Variants in JAKMIP1 observed in about 807,000 individuals in gnomAD.
JAKMIP1 encodes janus kinase and microtubule-interacting protein 1.
In JAKMIP1, 33 loss-of-function variants were observed where a neutral mutation model predicts 113.0. That is an observed-to-expected ratio of 0.29 (90% CI 0.22 to 0.39). The LOEUF (loss-of-function observed/expected upper bound fraction) is 0.39. Among genes scored for constraint, JAKMIP1 ranks in the 10% least tolerant of loss-of-function variants. The pLI, the probability that JAKMIP1 is intolerant of heterozygous loss-of-function variation, is 1.00. For synonymous variants in JAKMIP1, 480 were observed against 459.9 expected (o/e 1.04, Z -0.56); for missense variants, 813 against 1,080.5 (o/e 0.75, Z 3.47).
chr4:6,057,987 G>C (rs956545853), intron 11 of JAKMIP1, among the ~76,000 whole-genome samples: 3 of 152,262 alleles, frequency 2.0e-5, no homozygotes, highest in African/African-American at 7.2e-5. Context: ...TAGAACCCCT[G>C]CTGTTCTAAA....
At chr4:6,151,241 T>C (rs1271326548) in intron 1 of JAKMIP1, among the ~76,000 whole-genome samples, 3 of 152,088 alleles carry the variant, frequency 2.0e-5, no homozygotes, top group Non-Finnish European at 4.4e-5. Context: ...TCCACAACCC[T>C]ATGAAGTTAC....
intron 1 of JAKMIP1, among the ~76,000 whole-genome samples, chr4:6,149,691 T>C (rs538523246): frequency 1.3e-5 from 2 of 152,304 alleles, no homozygotes; most frequent in East Asian, 3.9e-4. Context: ...CCTTTCTCCC[T>C]GCAGGGTTTT....
rs1322365179 is a variant in JAKMIP1, at chr4:6,186,803, T to C, written c.-148+13450A>G. On this transcript the variant is annotated intron_variant, in intron 1 of 20. Transcript: ENST00000409021. The surrounding 1 kb of genome is among the most constrained non-coding windows in gnomAD (Gnocchi z 5.5). ...ATTCAACTATTGTTGTTGAATTATC[T>C]ATTTCTCCCTTCACTTCTGTCAGGT... Among the ~76,000 whole-genome samples, 1 of 152,206 alleles carries C rather than the reference T, an allele frequency of 6.6e-6. No individual in the cohort carries two copies. The highest frequency in any genetic ancestry group is 2.4e-5 in the African/African-American group (1 of 41,444).
chr4:6,172,112 T>C (rs16838361), intron 1 of JAKMIP1, among the ~76,000 whole-genome samples: 2,989 of 152,310 alleles, frequency 0.02, 89 homozygotes, highest in African/African-American at 0.066. Context: ...TAAATCCTTC[T>C]GAAACACTGG....
At chr4:6,182,422 AAAAAGAAAG>A (rs1381353164) in intron 1 of JAKMIP1, among the ~76,000 whole-genome samples, 5 of 149,224 alleles carry the variant, frequency 3.4e-5, no homozygotes, top group African/African-American at 4.9e-5. Context: ...AAAAAAAAAA[AAAAAGAAAG>A]AAAGAAAGAA....
At chr4:6,114,042 G>C (rs1715366532) in intron 1 of JAKMIP1, among the ~76,000 whole-genome samples, 1 of 152,272 alleles carries the variant, frequency 6.6e-6, no homozygotes, top group African/African-American at 2.4e-5. Context: ...CCTGGTGAGA[G>C]AGGATTTTAC....
intron 18 of JAKMIP1, among the ~76,000 whole-genome samples, chr4:6,036,931 G>C (rs186714238): frequency 6.6e-6 from 1 of 150,404 alleles, no homozygotes. Context: ...CTCCATCACC[G>C]AGGTAGAGGC....
At chr4:6,056,029 C>G in intron 12 of JAKMIP1, among the ~76,000 whole-genome samples, 1 of 147,730 alleles carries the variant, frequency 6.8e-6, no homozygotes, top group Non-Finnish European at 1.5e-5. Context: ...TCGGGGCAGC[C>G]CTCCTCATTT....
Position 6,065,041 on chromosome 4 carries a change from G to A in JAKMIP1, c.1303-33C>T, listed in dbSNP as rs768923688. The stretch of plus-strand genomic sequence containing the variant: ...ACGCAATTTGTATGATGTTAGCAAC[G>A]ACTGAGGATTGCCAGAGTCTACCAG... On this transcript the variant is annotated intron_variant, in intron 8 of 20. Transcript: ENST00000409021. This position sits in a 1 kb window ranked among gnomAD's most constrained non-coding sequence, Gnocchi z 5.1. 1.4e-5 allele frequency: 23 copies of A among 1,613,184 alleles called. 1 individual carries two copies. The highest frequency in any genetic ancestry group is 1.6e-4 in the Middle Eastern group (1 of 6,084).
rs553164216 is a variant in JAKMIP1 at position 6,184,733 on chromosome 4, G to C, written c.-148+15520C>G. Among the ~76,000 whole-genome samples the C allele has an allele frequency of 1.3e-5, 2 of 152,184 alleles. No homozygotes were observed. The highest frequency in any genetic ancestry group is 2.9e-5 in the Non-Finnish European group (2 of 68,040). ...AGAATGCATAACTACAGGATAAGTG[G>C]AGTGATGGTTAATATTGAGTGTCAA... On this transcript the variant is annotated intron_variant, in intron 1 of 20. Transcript: ENST00000409021. This position sits in a 1 kb window ranked among gnomAD's most constrained non-coding sequence, Gnocchi z 4.5.
intron 5 of JAKMIP1, among the ~76,000 whole-genome samples, chr4:6,082,332 G>A (rs577547646): frequency 1.3e-5 from 2 of 151,980 alleles, no homozygotes; most frequent in South Asian, 2.1e-4. Flanking sequence ...AATATAAAAT[G>A]TACCATGTGA....
intron 1 of JAKMIP1, among the ~76,000 whole-genome samples, chr4:6,134,806 G>A (rs552625442): frequency 1.3e-5 from 2 of 152,338 alleles, no homozygotes; most frequent in East Asian, 3.9e-4. Context: ...CCAGGCCTGG[G>A]GAGGCAGAGA....
At position 6,093,019 on chromosome 4, in the gene JAKMIP1, A is replaced by C. The variant is rs1229192182; in HGVS notation, c.625-7390T>G. On this transcript the variant is annotated intron_variant, in intron 3 of 20. Coordinates refer to ENST00000409021, the MANE Select transcript of JAKMIP1 (RefSeq NM_001099433.2). The surrounding 1 kb of genome is among the most constrained non-coding windows in gnomAD (Gnocchi z 4.6). The stretch of plus-strand genomic sequence containing the variant: ...TTTACTGGGAATCCAAGTATCACAT[A>C]TCATCATGGCTATTTTAGAGATATG... 6.6e-6 allele frequency among the ~76,000 whole-genome samples: 1 copy of C among 152,246 alleles called. No homozygotes were observed. The highest frequency in any genetic ancestry group is 1.5e-5 in the Non-Finnish European group (1 of 68,046).
intron 1 of JAKMIP1, among the ~76,000 whole-genome samples, chr4:6,152,645 A>G (rs1721710549): frequency 1.3e-5 from 2 of 152,144 alleles, no homozygotes; most frequent in African/African-American, 4.8e-5. Flanking sequence ...ATATTCTCAC[A>G]GAAGTGGGCA....
rs550643692 is a variant in JAKMIP1, at chr4:6,136,705, T to C, written c.-147-23708A>G. On this transcript the variant is annotated intron_variant, in intron 1 of 20. Transcript: ENST00000409021. This position sits in a 1 kb window ranked among gnomAD's most constrained non-coding sequence, Gnocchi z 5.9. ...CTAAAGAATCTGGAATTCCAAGAAA[T>C]GGCCTGCCCAGGAAAAATAAATAAA... is the stretch of plus-strand genomic sequence containing the variant. Among the ~76,000 whole-genome samples the C allele has an allele frequency of 6.6e-6, 1 of 152,290 alleles. No homozygotes were observed. Among genetic ancestry groups the C allele is most frequent in the Non-Finnish European group, 1.5e-5 (1 of 68,026 alleles).
At chr4:6,048,788 G>A (rs1258060956) in intron 16 of JAKMIP1, 69 bp downstream of exon 16, 1 of 1,332,358 alleles carries the variant, frequency 7.5e-7, no homozygotes, top group African/African-American at 1.4e-5. Flanking sequence ...AGACGCCAAT[G>A]TACAGTTTCT....
intron 10 of JAKMIP1, 57 bp downstream of exon 10, chr4:6,062,255 A>C: frequency 6.3e-7 from 1 of 1,591,918 alleles, no homozygotes; most frequent in Non-Finnish European, 8.6e-7. Flanking sequence ...TCTGGAAAGG[A>C]CCTACATGAC....
At chr4:6,032,018 G>T (rs1712745341) in intron 19 of JAKMIP1, among the ~76,000 whole-genome samples, 3 of 152,172 alleles carry the variant, frequency 2.0e-5, no homozygotes, top group Non-Finnish European at 1.5e-5. Flanking sequence ...CTCACATGCA[G>T]GGCGGCCGAG....
rs1404270432 is a variant in JAKMIP1, at chr4:6,106,449, T to C, written c.130-482A>G. Among the ~76,000 whole-genome samples the C allele has an allele frequency of 6.6e-6, 1 of 152,086 alleles. No homozygotes were observed. The highest frequency in any genetic ancestry group is 2.4e-5 in the African/African-American group (1 of 41,436). On this transcript the variant is annotated intron_variant, in intron 2 of 20. Coordinates refer to ENST00000409021, the MANE Select transcript of JAKMIP1 (RefSeq NM_001099433.2). This position sits in a 1 kb window ranked among gnomAD's most constrained non-coding sequence, Gnocchi z 5.9. The stretch of plus-strand genomic sequence containing the variant: ...TGTTGAGTGGGGTCCCTAGCTGGGC[T>C]GGGGGCTCCAATGCATCACCCACAT...
Sources: gnomAD v4.1 joint callset for allele counts (sites outside exome capture counted in the v4.1 genomes callset) on GRCh38, gnomAD v4.1.1 for gene constraint, Gnocchi (gnomAD v3.1) non-coding constraint, MANE v1.5 for transcripts, NCBI Gene and HGNC (gene_info 2026-07-23, HGNC 2026-07-21) for gene names.